Variants in BRWD1 observed in about 807,000 individuals in gnomAD.
BRWD1 encodes the protein bromodomain and WD repeat domain containing 1.
BRWD1 carries 82 observed loss-of-function variants against 251.2 expected under a neutral mutation model. The ratio of observed to expected loss-of-function variants is 0.33; its 90% CI spans 0.27 to 0.39. The LOEUF (loss-of-function observed/expected upper bound fraction) is 0.39. BRWD1 is among the 10% of genes least tolerant of loss of function. The pLI is 1.00. For missense variants in BRWD1, 2,233 were observed against 2,711.6 expected (o/e 0.82, Z 3.92); for synonymous variants, 918 against 902.8 (o/e 1.02, Z -0.30).
chr21:39,248,673 A>C (rs1251784001), intron 20 of BRWD1, among the ~76,000 whole-genome samples: 3 of 118,002 alleles, frequency 2.5e-5, no homozygotes, highest in Admixed American at 9.0e-5. Context: ...AAAAAAAAAA[A>C]AAAAAAAACA....
chr21:39,295,025 C>G (rs1324877541), intron 7 of BRWD1, among the ~76,000 whole-genome samples: 1 of 151,990 alleles, frequency 6.6e-6, no homozygotes, highest in Non-Finnish European at 1.5e-5. Flanking sequence ...TTTTCCTGAA[C>G]CAGTGATTAA....
intron 38 of BRWD1, among the ~76,000 whole-genome samples, chr21:39,201,020 A>G (rs936493804): frequency 6.6e-6 from 1 of 152,002 alleles, no homozygotes; most frequent in East Asian, 1.9e-4. Flanking sequence ...ATCCATGTCT[A>G]CTCCCTTCTG....
intron 17 of BRWD1, among the ~76,000 whole-genome samples, chr21:39,262,187 AAG>A (rs1156519502): frequency 1.3e-5 from 2 of 152,226 alleles, no homozygotes; most frequent in Non-Finnish European, 2.9e-5. Context: ...GAGTAAACTG[AAG>A]AGAGAAATGA....
At chr21:39,281,909 T>C (rs566676595) in intron 8 of BRWD1, among the ~76,000 whole-genome samples, 183 of 132,186 alleles carry the variant, frequency 1.4e-3, no homozygotes, top group African/African-American at 5.0e-3. Flanking sequence ...TATGTATACA[T>C]GTATATATAT....
chr21:39,194,568 T>C lies in BRWD1; in HGVS notation c.*1691A>G, dbSNP rs2031713937. On this transcript the variant is annotated 3_prime_UTR_variant, in exon 41 of 41. Transcript: ENST00000342449. ...AGAGGAGGTTTCCCACCTATCTCAGTTGATAATGTCCAAAAACATCCTTCC... is the reference window on the plus strand; with the variant it reads ...AGAGGAGGTTTCCCACCTATCTCAGCTGATAATGTCCAAAAACATCCTTCC... 1.4e-6 allele frequency: 2 copies of C among 1,460,754 alleles called. No homozygotes were observed. The highest frequency in any genetic ancestry group is 4.9e-5 in the Admixed American group (2 of 40,930). 90.5% of individuals were successfully genotyped at this position (1,460,754 alleles called of 1,614,324 possible).
chr21:39,312,503 G>A (rs1443841463), intron 4 of BRWD1: 2 of 224,520 alleles, frequency 8.9e-6, no homozygotes, highest in Non-Finnish European at 1.8e-5. Context: ...CGGTGGAGCG[G>A]GGAAGCGAAT....
rs2035886155 is a variant in BRWD1, at chr21:39,294,027, T to C, written c.615A>G (p.Ser205=). ...ACCAAATCTTTACCAAACAGTCATC[T>C]GAACCCTAAGAAAAAATATATCCAA... ...DRTGHRIFTG[S]DDCLVKIWST... The change falls in exon 8 of 41, where the codon TCA becomes TCG. Residue 205 remains serine (S), a synonymous_variant. Transcript: ENST00000342449. The C allele has an allele frequency of 6.2e-7, 1 of 1,612,054 alleles. No individual in the cohort carries two copies. Among genetic ancestry groups the C allele is most frequent in the African/African-American group, 1.3e-5 (1 of 74,834 alleles).
intron 37 of BRWD1, among the ~76,000 whole-genome samples, chr21:39,205,766 G>A (rs1177802892): frequency 6.7e-6 from 1 of 150,024 alleles, no homozygotes; most frequent in Non-Finnish European, 1.5e-5. Flanking sequence ...GAGAGACTCC[G>A]TCTCCAAAAA....
Position 39,276,153 on chromosome 21 carries a change from C to T in BRWD1, c.1145+20G>A, listed in dbSNP as rs531900022. ...ATTTGCCTAATAACACACACACACA[C>T]ATACAAAACACACACTTACCGATCA... On this transcript the variant is annotated intron_variant, in intron 12 of 40. Coordinates refer to ENST00000342449, the MANE Select transcript of BRWD1 (RefSeq NM_033656.4). 2.1e-4 allele frequency: 335 copies of T among 1,597,890 alleles called. No individual in the cohort carries two copies. The highest frequency in any genetic ancestry group is 6.5e-4 in the East Asian group (29 of 44,558).
At chr21:39,248,001 T>C (rs573493182) in intron 20 of BRWD1, among the ~76,000 whole-genome samples, 169 bp from the exon 21 acceptor site, 1 of 152,338 alleles carries the variant, frequency 6.6e-6, no homozygotes, top group East Asian at 1.9e-4. Context: ...TTAGTAGTTT[T>C]ACTTTTAAGG....
At chr21:39,275,228 T>C (rs1047367949) in intron 12 of BRWD1, among the ~76,000 whole-genome samples, 21 of 152,202 alleles carry the variant, frequency 1.4e-4, no homozygotes, top group African/African-American at 4.6e-4. Flanking sequence ...CAACAATTAG[T>C]TTAGCAAAGG....
intron 32 of BRWD1, among the ~76,000 whole-genome samples, chr21:39,214,629 AT>A (rs540613841): frequency 8.0e-5 from 12 of 150,168 alleles, no homozygotes; most frequent in East Asian, 5.9e-4. Flanking sequence ...TGGTACCAAG[AT>A]TTTTTTTTTA....
rs76818779 is a variant in BRWD1 at position 39,291,335 on chromosome 21, T to C, written c.831+2476A>G. 8.5e-5 allele frequency among the ~76,000 whole-genome samples: 13 copies of C among 152,286 alleles called. No individual in the cohort carries two copies. The East Asian group carries it at 2.3e-3, about 27-fold the overall frequency. ...ACCAAATTCTAATGAGAGATACCAA[T>C]GTACCTTTAAAAGCCTTATAAATCA... On this transcript the variant is annotated intron_variant, in intron 8 of 40. Transcript: ENST00000342449.
intron 4 of BRWD1, among the ~76,000 whole-genome samples, chr21:39,304,345 T>G (rs969388075): frequency 6.6e-6 from 1 of 152,090 alleles, no homozygotes; most frequent in Non-Finnish European, 1.5e-5. Context: ...GCACAGTGGC[T>G]CACACCTATA....
At chr21:39,236,880 AAAGGG>A (rs2033830278) in intron 22 of BRWD1, 96 bp from the exon 23 acceptor site, 1 of 1,120,876 alleles carries the variant, frequency 8.9e-7, no homozygotes, top group Non-Finnish European at 1.3e-6. Context: ...GAGAGGAGAA[AAAGGG>A]AAGGGAAGAT....
intron 8 of BRWD1, among the ~76,000 whole-genome samples, chr21:39,293,035 G>A (rs2146745823): frequency 6.6e-6 from 1 of 152,252 alleles, no homozygotes; most frequent in African/African-American, 2.4e-5. Flanking sequence ...ATTTGCAGAA[G>A]AAATTATATA....
intron 22 of BRWD1, among the ~76,000 whole-genome samples, chr21:39,238,001 T>TC (rs1463291681): frequency 6.6e-6 from 1 of 152,120 alleles, no homozygotes; most frequent in African/African-American, 2.4e-5. Context: ...AGGAGAATTT[T>TC]CTAGCCATGT....
chr21:39,202,691 A>G (rs2032172113), intron 37 of BRWD1, 146 bp from the exon 38 acceptor site: 2 of 607,506 alleles, frequency 3.3e-6, no homozygotes, highest in African/African-American at 3.7e-5. Flanking sequence ...CACTATTAAC[A>G]TTTTATTCTG....
At chr21:39,279,638 C>CAA (rs77282416) in intron 9 of BRWD1, among the ~76,000 whole-genome samples, 7 of 66,830 alleles carry the variant, frequency 1.0e-4, no homozygotes, top group East Asian at 1.6e-3. Context: ...GACTCCATCT[C>CAA]AAAAAAAAAA....
Sources: allele counts gnomAD v4.1 joint callset (sites outside exome capture counted in the v4.1 genomes callset), GRCh38; gene constraint gnomAD v4.1.1; transcripts MANE v1.5; gene names NCBI Gene and HGNC (gene_info 2026-07-23, HGNC 2026-07-21).